MAPT: variants seen among roughly 807,000 people sequenced by gnomAD.
MAPT encodes microtubule-associated protein tau.
MAPT carries 34 observed loss-of-function variants against 67.9 expected under a neutral mutation model. That is an observed-to-expected ratio of 0.50 (90% CI 0.38 to 0.67). MAPT has a LOEUF of 0.67. Ranked by LOEUF, MAPT falls within the 30% of genes least tolerant of loss-of-function variation. The pLI, the probability that MAPT is intolerant of heterozygous loss-of-function variation, is 0.00. For synonymous variants in MAPT, 456 were observed against 464.5 expected (o/e 0.98, Z 0.23); for missense variants, 881 against 1,115.2 (o/e 0.79, Z 2.99).
rs746344651 is a variant in MAPT at position 45,971,946 on chromosome 17, G to A, written c.220+1G>A. 5 of 1,613,842 alleles carry A rather than the reference G, an allele frequency of 3.1e-6. No individual in the cohort carries two copies. The highest frequency in any genetic ancestry group is 3.3e-5 in the Admixed American group (2 of 60,018). ...GCTAAGAGCACTCCAACAGCGGAAG[G>A]TGGGCCCCCCTTCAGACGCCCCCTC... On this transcript the variant is annotated splice_donor_variant, in intron 3 of 12. Transcript: ENST00000262410. LOFTEE classifies it high-confidence loss of function. The surrounding 1 kb of genome is among the most constrained non-coding windows in gnomAD (Gnocchi z 4.3).
At chr17:45,895,002 A>G in intron 1 of MAPT, 1 of 144,804 alleles carries the variant, frequency 6.9e-6, no homozygotes, top group Non-Finnish European at 1.5e-5. Flanking sequence ...GACTTGGGGG[A>G]GGGGGCTGCC....
At chr17:45,962,222 T>C (rs2070508071) in intron 1 of MAPT, 99 bp from the exon 2 acceptor site, 1 of 996,018 alleles carries the variant, frequency 1.0e-6, no homozygotes, top group Admixed American at 2.0e-5. Flanking sequence ...GGCTGAGATC[T>C]GCCTGCCATG....
intron 7 of MAPT, 75 bp downstream of exon 7, chr17:45,990,150 T>C: frequency 7.2e-7 from 1 of 1,384,204 alleles, no homozygotes. Context: ...TTATTTGTTT[T>C]TTAGCCTCAA....
At chr17:45,990,539 C>T (rs1317068393) in intron 7 of MAPT, 3 of 442,294 alleles carry the variant, frequency 6.8e-6, no homozygotes, top group African/African-American at 4.1e-5. Context: ...TTGCTTGAAC[C>T]CCAGAGGCAG....
At chr17:46,011,743 G>A (rs1040120921) in intron 10 of MAPT, among the ~76,000 whole-genome samples, 1 of 152,150 alleles carries the variant, frequency 6.6e-6, no homozygotes, top group Non-Finnish European at 1.5e-5. Flanking sequence ...GCTCCGGGGT[G>A]GGCTGTCTCC....
At chr17:45,908,026 A>G (rs1710062425) in intron 1 of MAPT, 1 of 152,230 alleles carries the variant, frequency 6.6e-6, no homozygotes, top group South Asian at 2.1e-4. Context: ...GCCAAAAGAC[A>G]CGTCTTTAGT....
At chr17:45,974,666 C>T (rs1032606545) in intron 3 of MAPT, 2 of 596,272 alleles carry the variant, frequency 3.4e-6, no homozygotes, top group African/African-American at 3.7e-5. Context: ...TGGCTGCCTG[C>T]CAGCCTCTCA....
intron 6 of MAPT, among the ~76,000 whole-genome samples, 174 bp from the exon 7 acceptor site, chr17:45,989,697 TCACTTTC>T (rs2073907326): frequency 6.6e-6 from 1 of 152,168 alleles, no homozygotes; most frequent in Non-Finnish European, 1.5e-5. Context: ...GGGAGGACGG[TCACTTTC>T]CTGTTCTTAC....
chr17:46,019,173 A>C (rs1044305193), intron 12 of MAPT, among the ~76,000 whole-genome samples: 1 of 152,128 alleles, frequency 6.6e-6, no homozygotes, highest in Non-Finnish European at 1.5e-5. Flanking sequence ...AAGCAAAGGC[A>C]TTTCTTACAT....
In MAPT at chr17:45,995,052, A is replaced by G. The variant is rs969221671; in HGVS notation, c.1733-1347A>G. On this transcript the variant is annotated intron_variant, in intron 8 of 12. Coordinates refer to ENST00000262410, the MANE Select transcript of MAPT (RefSeq NM_001377265.1). This position sits in a 1 kb window ranked among gnomAD's most constrained non-coding sequence, Gnocchi z 4.3. ...ATCAGAATAAGACTCCGTCTCAAAA[A>G]AAAAACCACAAAAAAACAAAACAAC... Among the ~76,000 whole-genome samples, 16 of 152,080 alleles carry G rather than the reference A, an allele frequency of 1.1e-4. No homozygotes were observed. The highest frequency in any genetic ancestry group is 2.1e-4 in the Non-Finnish European group (14 of 68,004).
At chr17:45,914,446 A>G (rs2065030359) in intron 1 of MAPT, among the ~76,000 whole-genome samples, 1 of 152,212 alleles carries the variant, frequency 6.6e-6, no homozygotes, top group Admixed American at 6.5e-5. Flanking sequence ...GACGGAATGG[A>G]GCGGTCCGTC....
At chr17:46,011,151 C>G (rs1182693825) in intron 10 of MAPT, among the ~76,000 whole-genome samples, 1 of 152,160 alleles carries the variant, frequency 6.6e-6, no homozygotes, top group African/African-American at 2.4e-5. Flanking sequence ...AATTCCAGCA[C>G]TTTGGGAGAC....
intron 9 of MAPT, among the ~76,000 whole-genome samples, chr17:45,998,930 C>T (rs1246971221): frequency 1.3e-5 from 2 of 152,122 alleles, no homozygotes; most frequent in African/African-American, 4.8e-5. Context: ...TCCCATTGCC[C>T]ACCCATGCAC....
chr17:45,990,874 A>G (rs563442472), intron 7 of MAPT, among the ~76,000 whole-genome samples: 1 of 152,106 alleles, frequency 6.6e-6, no homozygotes, highest in African/African-American at 2.4e-5. Context: ...GCCATGCCCG[A>G]CTCTGCCAGC....
intron 9 of MAPT, among the ~76,000 whole-genome samples, chr17:46,003,099 C>CGTGTGT (rs72293848): frequency 0.15 from 21,243 of 145,256 alleles, 1,916 homozygotes; most frequent in Middle Eastern, 0.21. Flanking sequence ...TTTTTAAGGG[C>CGTGTGT]GTGTGTGTGT....
At chr17:45,931,605 C>T (rs935765680) in intron 1 of MAPT, among the ~76,000 whole-genome samples, 10 of 152,180 alleles carry the variant, frequency 6.6e-5, no homozygotes, top group East Asian at 5.8e-4. Context: ...CATTGATGTA[C>T]GGCTTTATTT....
intron 1 of MAPT, among the ~76,000 whole-genome samples, chr17:45,924,560 A>C (rs776443050): frequency 1.3e-5 from 2 of 152,188 alleles, no homozygotes; most frequent in Admixed American, 6.5e-5. Flanking sequence ...CTGTGATGCC[A>C]TGCCCACCCT....
chr17:45,924,406 T>C (rs2066065797), intron 1 of MAPT, among the ~76,000 whole-genome samples: 1 of 152,226 alleles, frequency 6.6e-6, no homozygotes, highest in Non-Finnish European at 1.5e-5. Context: ...GACTCCCAGA[T>C]ATTGGAGAGC....
rs2076799422 is a variant in MAPT at position 46,026,165 on chromosome 17, C to T, written c.*1994C>T. The T allele has an allele frequency of 6.6e-6, 1 of 152,292 alleles. No individual in the cohort carries two copies. Among genetic ancestry groups the T allele is most frequent in the South Asian group, 2.1e-4 (1 of 4,826 alleles). 9.4% of individuals were successfully genotyped at this position (152,292 alleles called of 1,614,324 possible). A position where few individuals can be genotyped will look rare whatever the true frequency, so the allele number is the denominator to read the frequency against. On this transcript the variant is annotated 3_prime_UTR_variant, in exon 13 of 13. Coordinates refer to ENST00000262410, the MANE Select transcript of MAPT (RefSeq NM_001377265.1). ...TTTCTAACCCACCCTCACGAGGTGT[C>T]TCTCACCCCCACACTGGGACTCGTG...
Sources: allele counts gnomAD v4.1 joint callset (sites outside exome capture counted in the v4.1 genomes callset), GRCh38; gene constraint gnomAD v4.1.1; non-coding constraint Gnocchi (gnomAD v3.1); transcripts MANE v1.5; gene names NCBI Gene and HGNC (gene_info 2026-07-23, HGNC 2026-07-21).